The following NCAM2 variants were observed in gnomAD, a reference collection of about 807,000 sequenced individuals.
The protein encoded by NCAM2 is N-CAM-2.
A neutral mutation model predicts 98.1 loss-of-function variants in NCAM2; 30 were observed. The observed-to-expected ratio is 0.31, with a 90% confidence interval of 0.23 to 0.41. The LOEUF is 0.41. NCAM2 is among the 10% of genes least tolerant of loss of function. The probability of loss-of-function intolerance (pLI) is 1.00; values close to 1 mark genes in which losing one functional copy is unlikely to be tolerated. For synonymous variants in NCAM2, 368 were observed against 342.4 expected, an observed-to-expected ratio of 1.07 and a Z score of -0.83; for missense variants, 867 against 1,005.8, an observed-to-expected ratio of 0.86 and a Z score of 1.87.
At chr21:21,431,046 C>CAAAAAA (rs34613152) in intron 11 of NCAM2, among the ~76,000 whole-genome samples, 1 of 64,058 alleles carries the variant, frequency 1.6e-5, no homozygotes, top group Non-Finnish European at 2.8e-5. Context: ...AACTCCGTCT[C>CAAAAAA]AAAAAAAAAA....
intron 1 of NCAM2, among the ~76,000 whole-genome samples, chr21:21,214,363 T>C (rs1022336954): frequency 1.3e-5 from 2 of 152,170 alleles, no homozygotes; most frequent in Admixed American, 6.5e-5. Flanking sequence ...TATCTCATTT[T>C]GGAGAAGCAC....
At chr21:21,277,708 A>G (rs1360890308) in intron 1 of NCAM2, among the ~76,000 whole-genome samples, 3 of 152,118 alleles carry the variant, frequency 2.0e-5, no homozygotes, top group Non-Finnish European at 2.9e-5. Flanking sequence ...AATTAAATCA[A>G]TTTTGAAGAT....
At chr21:21,381,789 C>A (rs1370391630) in intron 9 of NCAM2, among the ~76,000 whole-genome samples, 11 of 151,974 alleles carry the variant, frequency 7.2e-5, no homozygotes. Context: ...TATATGTATT[C>A]ATCTATATGT....
chr21:21,292,757 A>G (rs143111841), intron 5 of NCAM2, among the ~76,000 whole-genome samples: 26 of 152,004 alleles, frequency 1.7e-4, no homozygotes, highest in African/African-American at 6.0e-4. Flanking sequence ...ATGATATTCT[A>G]TGGAGCTGGA....
intron 1 of NCAM2, among the ~76,000 whole-genome samples, chr21:21,024,465 A>G (rs1440677700): frequency 6.6e-6 from 1 of 152,228 alleles, no homozygotes; most frequent in Non-Finnish European, 1.5e-5. Flanking sequence ...TGATTTTACA[A>G]ATAAAGAGAA....
chr21:21,389,161 A>G (rs866827335), intron 9 of NCAM2, among the ~76,000 whole-genome samples: 16 of 152,236 alleles, frequency 1.1e-4, no homozygotes, highest in Middle Eastern at 3.2e-3. Flanking sequence ...TCACAGTTCC[A>G]CATGGGTGGG....
intron 1 of NCAM2, among the ~76,000 whole-genome samples, chr21:21,161,584 TGAGAGAGA>T (rs138597484): frequency 1.0e-4 from 15 of 146,244 alleles, no homozygotes; most frequent in Admixed American, 6.9e-4. Context: ...TGTGTGTATG[TGAGAGAGA>T]GAGAGAGAGA....
chr21:21,089,072 AT>A (rs1555883134), intron 1 of NCAM2, among the ~76,000 whole-genome samples: 2 of 90,906 alleles, frequency 2.2e-5, no homozygotes, highest in African/African-American at 6.1e-5. Flanking sequence ...TATGTCAATC[AT>A]TTTTTTTAGT....
chr21:21,033,612 G>A (rs2064735935), intron 1 of NCAM2, among the ~76,000 whole-genome samples: 1 of 152,068 alleles, frequency 6.6e-6, no homozygotes, highest in African/African-American at 2.4e-5. Flanking sequence ...GCTTAGGGAT[G>A]GCATCACAGG....
At chr21:21,411,435 T>G (rs1272744792) in intron 10 of NCAM2, among the ~76,000 whole-genome samples, 1 of 151,718 alleles carries the variant, frequency 6.6e-6, no homozygotes, top group Non-Finnish European at 1.5e-5. Flanking sequence ...TTGTTCAGTA[T>G]CTTTTGTTTT....
intron 9 of NCAM2, among the ~76,000 whole-genome samples, chr21:21,398,338 C>A (rs565724284): frequency 6.6e-6 from 1 of 152,116 alleles, no homozygotes; most frequent in South Asian, 2.1e-4. Flanking sequence ...ATGGGTACAC[C>A]AAAATCCCAC....
At chr21:21,059,330 T>C (rs1417455414) in intron 1 of NCAM2, among the ~76,000 whole-genome samples, 1 of 152,018 alleles carries the variant, frequency 6.6e-6, no homozygotes, top group East Asian at 1.9e-4. Context: ...CTTGGGGACA[T>C]TGAGAGAGGG....
At chr21:21,419,020 A>T (rs2077050731) in intron 11 of NCAM2, among the ~76,000 whole-genome samples, 1 of 152,176 alleles carries the variant, frequency 6.6e-6, no homozygotes, top group Non-Finnish European at 1.5e-5. Context: ...CATGCATAAA[A>T]ATTTTCCAAA....
chr21:21,287,323 T>C lies in NCAM2; in HGVS notation c.481+911T>C, dbSNP rs2073138007. ...TCTATTTTTGAATATGTGGGGAGAA[T>C]GTATGATAATCATGTTCAATAGTCA... On this transcript the variant is annotated intron_variant, in intron 4 of 17. Transcript: ENST00000400546. 2.0e-5 allele frequency among the ~76,000 whole-genome samples: 3 copies of C among 152,012 alleles called. No homozygotes were observed. The South Asian group carries it at 6.2e-4, about 31-fold the overall frequency.
intron 5 of NCAM2, among the ~76,000 whole-genome samples, chr21:21,297,175 AT>A (rs1202648424): frequency 6.6e-6 from 1 of 151,726 alleles, no homozygotes; most frequent in Non-Finnish European, 1.5e-5. Context: ...AGGAGAATAT[AT>A]TTTATATTGA....
At chr21:21,010,751 A>C (rs575030968) in intron 1 of NCAM2, among the ~76,000 whole-genome samples, 16 of 152,238 alleles carry the variant, frequency 1.1e-4, no homozygotes, top group African/African-American at 3.8e-4. Flanking sequence ...CAGGTGATGG[A>C]CATGGATGTG....
chr21:21,266,736 G>C lies in NCAM2; in HGVS notation c.56-13842G>C, dbSNP rs968904374. 3.3e-5 allele frequency among the ~76,000 whole-genome samples: 5 copies of C among 152,130 alleles called. 1 individual carries two copies. In the South Asian group the frequency reaches 6.2e-4, roughly 19 times the overall value. On this transcript the variant is annotated intron_variant, in intron 1 of 17. Coordinates refer to ENST00000400546, the MANE Select transcript of NCAM2 (RefSeq NM_004540.5). ...GGGCCTGTTGTGGGGTGGGTGGAGGGGGGAGGGATAGCATTAGGAGATATA... is the reference window on the plus strand; with the variant it reads ...GGGCCTGTTGTGGGGTGGGTGGAGGCGGGAGGGATAGCATTAGGAGATATA...
intron 12 of NCAM2, among the ~76,000 whole-genome samples, chr21:21,443,129 A>G (rs1979558415): frequency 6.6e-6 from 1 of 152,186 alleles, no homozygotes; most frequent in South Asian, 2.1e-4. Context: ...CTTTGCAGGG[A>G]CATGGATGAA....
Position 21,300,580 on chromosome 21 carries a change from A to G in NCAM2, c.619+8339A>G, listed in dbSNP as rs984257138. ...CTTTCACACTGACTTGAAATTATCC[A>G]TTTATGTGTGACATTATCTCACAGA... On this transcript the variant is annotated intron_variant, in intron 5 of 17. Transcript: ENST00000400546. Among the ~76,000 whole-genome samples, 3 of 152,026 alleles carry G rather than the reference A, an allele frequency of 2.0e-5. No individual in the cohort carries two copies. In the East Asian group the frequency reaches 5.8e-4, roughly 29 times the overall value.
Sources: gnomAD v4.1 joint callset for allele counts (sites outside exome capture counted in the v4.1 genomes callset) on GRCh38, gnomAD v4.1.1 for gene constraint, MANE v1.5 for transcripts, NCBI Gene and HGNC (gene_info 2026-07-23, HGNC 2026-07-21) for gene names.